BRWD3: variants seen among roughly 807,000 people sequenced by gnomAD.
The protein encoded by BRWD3 is bromodomain and WD repeat domain containing 3.
A neutral mutation model predicts 149.7 loss-of-function variants in BRWD3; 10 were observed. That is an observed-to-expected ratio of 0.07 (90% CI 0.04 to 0.11). The LOEUF is 0.11. BRWD3 is among the 10% of genes least tolerant of loss of function. BRWD3 has a pLI of 1.00. For synonymous variants in BRWD3, 504 were observed against 456.7 expected (o/e 1.10, Z -1.32); for missense variants, 940 against 1,373.2 (o/e 0.68, Z 4.99).
In BRWD3 at chrX:80,793,691, G is replaced by C; in HGVS notation, c.262C>G (p.Pro88Ala). 8.3e-7 allele frequency: 1 copy of C among 1,207,377 alleles called. No homozygotes were observed. Among genetic ancestry groups the C allele is most frequent in the Non-Finnish European group, 1.1e-6 (1 of 891,866 alleles). Residue 88 changes from proline (P) to alanine (A), a missense_variant, in exon 5 of 41, where the codon CCT becomes GCT. Pro to Ala is a conservative substitution (Grantham distance 27). This residue lies in a region of BRWD3 where 105 missense variants were observed against 127.7 expected (regional missense o/e 0.82). Coordinates refer to ENST00000373275, the MANE Select transcript of BRWD3 (RefSeq NM_153252.5). ...GTCTGTACCCCAGGAACACTCTGAGGGATCTCTTTATCTAGTAAAGGACCA... is the reference window on the plus strand; with the variant it reads ...GTCTGTACCCCAGGAACACTCTGAGCGATCTCTTTATCTAGTAAAGGACCA... ...RIGPLLDKEIPQSVPGVQTLL... is the reference protein window; with the variant it reads ...RIGPLLDKEIAQSVPGVQTLL...
At chrX:80,757,452 G>GT (rs935072581) in intron 6 of BRWD3, among the ~76,000 whole-genome samples, 5 of 112,034 alleles carry the variant, frequency 4.5e-5, no homozygotes, top group Non-Finnish European at 9.4e-5. Flanking sequence ...ACTAACTATA[G>GT]TTTTTTCTTG....
At chrX:80,684,230 G>T (rs1022016777) in intron 36 of BRWD3, 68 bp from the exon 37 acceptor site, 1 of 980,195 alleles carries the variant, frequency 1.0e-6, no homozygotes, top group East Asian at 3.1e-5. Context: ...ACTAAAATTG[G>T]TATCACCTAC....
At chrX:80,689,514 A>C (rs528234282) in intron 33 of BRWD3, among the ~76,000 whole-genome samples, 1 of 111,821 alleles carries the variant, frequency 8.9e-6, no homozygotes, top group East Asian at 2.8e-4. Flanking sequence ...GTTGGAAAAT[A>C]AAGTGTTGAT....
intron 9 of BRWD3, 103 bp downstream of exon 9, chrX:80,735,885 A>G: frequency 2.0e-6 from 1 of 509,318 alleles, no homozygotes; most frequent in Non-Finnish European, 3.4e-6. Flanking sequence ...AAATACACAT[A>G]CACATATGTA....
chrX:80,804,531 C>T, intron 4 of BRWD3, among the ~76,000 whole-genome samples: 1 of 111,970 alleles, frequency 8.9e-6, no homozygotes, highest in Non-Finnish European at 1.9e-5. Flanking sequence ...AGCCACCACA[C>T]CAGGCCCTGG....
At chrX:80,706,294 A>G (rs2072863541) in intron 22 of BRWD3, among the ~76,000 whole-genome samples, 1 of 110,888 alleles carries the variant, frequency 9.0e-6, no homozygotes, top group African/African-American at 3.3e-5. Flanking sequence ...TTTTTAGTAG[A>G]GACAGGGTTT....
intron 31 of BRWD3, among the ~76,000 whole-genome samples, chrX:80,690,629 TC>T: frequency 9.0e-6 from 1 of 111,009 alleles, no homozygotes; most frequent in East Asian, 2.8e-4. Flanking sequence ...TCATCTCTCA[TC>T]CCAACCAAAA....
chrX:80,749,549 C>T (rs2073638453), intron 6 of BRWD3, among the ~76,000 whole-genome samples: 1 of 111,200 alleles, frequency 9.0e-6, no homozygotes, highest in Non-Finnish European at 1.9e-5. Context: ...TATTTTCCAT[C>T]TCTCCATTTT....
chrX:80,702,926 T>C (rs1260003327), intron 24 of BRWD3, among the ~76,000 whole-genome samples: 2 of 111,763 alleles, frequency 1.8e-5, no homozygotes, highest in East Asian at 5.6e-4. Context: ...GTTCCAATGT[T>C]ACGATAATTT....
chrX:80,669,859 CTT>C lies in BRWD3; in HGVS notation c.*6748_*6749del, dbSNP rs1211289649. Among the ~76,000 whole-genome samples, 2 of 110,753 alleles carry C rather than the reference CTT, an allele frequency of 1.8e-5. No individual in the cohort carries two copies. Among genetic ancestry groups the C allele is most frequent in the African/African-American group, 6.5e-5 (2 of 30,544 alleles). On this transcript the variant is annotated 3_prime_UTR_variant, in exon 41 of 41. Coordinates refer to ENST00000373275, the MANE Select transcript of BRWD3 (RefSeq NM_153252.5). ...TTTCTTCATATATTTACTTACAAAA[CTT>C]ATAAAATTGAAGAGAACTGCAAAGA...
intron 6 of BRWD3, among the ~76,000 whole-genome samples, chrX:80,763,019 A>G (rs1258953334): frequency 9.0e-6 from 1 of 111,370 alleles, no homozygotes; most frequent in Non-Finnish European, 1.9e-5. Flanking sequence ...AATAAATGCA[A>G]AAATTTTACC....
intron 33 of BRWD3, 73 bp downstream of exon 33, chrX:80,689,693 AAC>A: frequency 1.1e-6 from 1 of 938,946 alleles, no homozygotes; most frequent in Admixed American, 2.4e-5. Context: ...GGCCAATTAC[AAC>A]ATTTACACAT....
intron 6 of BRWD3, among the ~76,000 whole-genome samples, chrX:80,776,104 G>A (rs1374129132): frequency 1.8e-5 from 2 of 111,924 alleles, no homozygotes; most frequent in African/African-American, 6.5e-5. Flanking sequence ...AATCTGCTGT[G>A]AGCCTGCAAT....
chrX:80,808,290 C>G (rs1415128845), intron 4 of BRWD3, among the ~76,000 whole-genome samples: 1 of 109,397 alleles, frequency 9.1e-6, no homozygotes, highest in Non-Finnish European at 1.9e-5. Context: ...TATTCATAAT[C>G]CACAACACGG....
At chrX:80,735,574 A>T (rs1431142972) in intron 9 of BRWD3, among the ~76,000 whole-genome samples, 1 of 111,122 alleles carries the variant, frequency 9.0e-6, no homozygotes, top group African/African-American at 3.3e-5. Flanking sequence ...TAATCCCAGC[A>T]CTTGGGAAGG....
intron 6 of BRWD3, among the ~76,000 whole-genome samples, chrX:80,788,399 C>G (rs939559278): frequency 1.4e-4 from 16 of 111,239 alleles, no homozygotes; most frequent in Non-Finnish European, 2.4e-4. Context: ...ACGCAAACAA[C>G]TCAATTTAAA....
intron 19 of BRWD3, chrX:80,716,782 G>A (rs1474456341): frequency 8.8e-6 from 1 of 113,669 alleles, no homozygotes; most frequent in Admixed American, 9.3e-5. Flanking sequence ...ATTTAACAGT[G>A]GTATACAAAT....
chrX:80,777,329 G>A (rs1340283091), intron 6 of BRWD3, among the ~76,000 whole-genome samples: 2 of 111,651 alleles, frequency 1.8e-5, no homozygotes, highest in Non-Finnish European at 1.9e-5. Context: ...TGCTGGGAAA[G>A]AGTTTATCAT....
intron 3 of BRWD3, 147 bp downstream of exon 3, chrX:80,808,866 G>T: frequency 1.6e-6 from 1 of 644,290 alleles, no homozygotes; most frequent in Non-Finnish European, 2.5e-6. Context: ...CCCCTTTTGA[G>T]GGAAGAAGCC....
Sources: allele counts gnomAD v4.1 joint callset (sites outside exome capture counted in the v4.1 genomes callset), GRCh38; gene constraint gnomAD v4.1.1; regional missense constraint gnomAD v4.1.1; transcripts MANE v1.5; gene names NCBI Gene and HGNC (gene_info 2026-07-23, HGNC 2026-07-21).